Variants in PAXIP1 observed in about 807,000 individuals in gnomAD.
PAXIP1 encodes the protein PAX-interacting protein 1.
A neutral mutation model predicts 140.6 loss-of-function variants in PAXIP1; 19 were observed. The ratio of observed to expected loss-of-function variants is 0.14; its 90% confidence interval spans 0.09 to 0.20. PAXIP1 has a LOEUF of 0.20. Among genes scored for constraint, PAXIP1 ranks in the 10% least tolerant of loss-of-function variants. The pLI is 1.00. For missense variants in PAXIP1, 920 were observed against 1,208.6 expected, an observed-to-expected ratio of 0.76 and a Z score of 3.54; for synonymous variants, 442 against 444.6, an observed-to-expected ratio of 0.99 and a Z score of 0.07.
At position 154,954,682 on chromosome 7, in the gene PAXIP1, T is replaced by C. The variant is rs1808429189; in HGVS notation, c.2653-259A>G. 6.6e-6 allele frequency among the ~76,000 whole-genome samples: 1 copy of C among 152,178 alleles called. No individual in the cohort carries two copies. Among genetic ancestry groups the C allele is most frequent in the Admixed American group, 6.5e-5 (1 of 15,284 alleles). ...ACATGAATTCTCCATCAAACATCAATAACATATCTCCATGAATAAATTAAA... is the reference window on the plus strand; with the variant it reads ...ACATGAATTCTCCATCAAACATCAACAACATATCTCCATGAATAAATTAAA... On this transcript the variant is annotated intron_variant, in intron 15 of 20. Coordinates refer to ENST00000404141, the MANE Select transcript of PAXIP1 (RefSeq NM_007349.4). The surrounding 1 kb of genome is among the most constrained non-coding windows in gnomAD (Gnocchi z 5.1).
chr7:154,960,843 G>T, intron 12 of PAXIP1, 50 bp downstream of exon 12: 1 of 1,294,334 alleles, frequency 7.7e-7, no homozygotes, highest in Non-Finnish European at 1.1e-6. Flanking sequence ...TAGAAGTAAT[G>T]CTAATGATTT....
chr7:154,952,996 A>C (rs996439266), intron 16 of PAXIP1, among the ~76,000 whole-genome samples: 2 of 152,242 alleles, frequency 1.3e-5, no homozygotes, highest in African/African-American at 4.8e-5. Flanking sequence ...ATGAACTTTA[A>C]GATATATACA....
chr7:154,985,913 G>T, intron 4 of PAXIP1: 1 of 877,882 alleles, frequency 1.1e-6, no homozygotes, highest in Non-Finnish European at 1.6e-6. Context: ...AAGAAATACT[G>T]TTGATTGAGA....
rs137980666 is a variant in PAXIP1, at chr7:154,947,539, A to C, written c.2922+364T>G. On this transcript the variant is annotated intron_variant, in intron 17 of 20. Coordinates refer to ENST00000404141, the MANE Select transcript of PAXIP1 (RefSeq NM_007349.4). Reference sequence around the variant, plus strand: ...TCCAGCTGAATATACATTTACTGACAATAGTACGAAGTAAGCGATGTCCTC... The same window carrying C: ...TCCAGCTGAATATACATTTACTGACCATAGTACGAAGTAAGCGATGTCCTC... 1.0e-3 allele frequency: 202 copies of C among 202,590 alleles called. 2 individuals carry two copies. The East Asian group carries it at 0.011, about 11-fold the overall frequency. 12.5% of individuals were successfully genotyped at this position (202,590 alleles called of 1,614,324 possible). A position where few individuals can be genotyped will look rare whatever the true frequency, so the allele number is the denominator to read the frequency against.
At chr7:154,961,754 T>C (rs1190696062) in intron 10 of PAXIP1, 106 bp from the exon 11 acceptor site, 4 of 993,624 alleles carry the variant, frequency 4.0e-6, no homozygotes, top group Non-Finnish European at 5.8e-6. Context: ...CACTATTTCT[T>C]TGGCATTATG....
At chr7:154,998,530 T>C (rs1266901333) in intron 2 of PAXIP1, 120 bp downstream of exon 2, 4 of 552,478 alleles carry the variant, frequency 7.2e-6, no homozygotes, top group Non-Finnish European at 1.1e-5. Context: ...AAATAAAAAA[T>C]AAAAATAAAA....
chr7:154,997,039 G>A (rs1373878794), intron 2 of PAXIP1, among the ~76,000 whole-genome samples: 1 of 152,120 alleles, frequency 6.6e-6, no homozygotes, highest in Non-Finnish European at 1.5e-5. Flanking sequence ...GGAGAAGGAA[G>A]AGACAGAGAT....
At chr7:154,985,530 T>C (rs1810031156) in intron 4 of PAXIP1, among the ~76,000 whole-genome samples, 1 of 152,116 alleles carries the variant, frequency 6.6e-6, no homozygotes, top group African/African-American at 2.4e-5. Context: ...TCAGGTGGCA[T>C]TACCACTGTA....
chr7:154,976,032 T>C lies in PAXIP1; in HGVS notation c.738A>G (p.Glu246=), dbSNP rs750533544. The part of the protein sequence containing the change: ...PKSNTEKSKG[E]LMFDDSSDSS... ...AATCTGAAGAATCATCAAACATTAATTCCCCTTTAGATTTTTCAGTGTTGG... is the reference window on the plus strand; with the variant it reads ...AATCTGAAGAATCATCAAACATTAACTCCCCTTTAGATTTTTCAGTGTTGG... Residue 246 remains glutamate, a synonymous_variant, in exon 6 of 21, where the codon GAA becomes GAG. Coordinates refer to ENST00000404141, the MANE Select transcript of PAXIP1 (RefSeq NM_007349.4). 2 of 1,610,150 alleles carry C rather than the reference T, an allele frequency of 1.2e-6. No homozygotes were observed. The highest frequency in any genetic ancestry group is 1.7e-6 in the Non-Finnish European group (2 of 1,177,710).
Position 154,956,292 on chromosome 7 carries a change from C to T in PAXIP1, c.2550-661G>A, listed in dbSNP as rs1217094693. On this transcript the variant is annotated intron_variant, in intron 14 of 20. Transcript: ENST00000404141. This position sits in a 1 kb window ranked among gnomAD's most constrained non-coding sequence, Gnocchi z 4.2. ...TGTATTTGTGGTAATTTGATGACAG[C>T]CTCAAAAAAATCACATAATTAGGAT... 6.6e-6 allele frequency: 1 copy of T among 151,828 alleles called. No individual in the cohort carries two copies. The highest frequency in any genetic ancestry group is 1.5e-5 in the Non-Finnish European group (1 of 67,996). The allele number at this position is 151,828 out of a possible 1,614,324, so 9.4% of individuals were successfully genotyped here. A position where few individuals can be genotyped will look rare whatever the true frequency, so the allele number is the denominator to read the frequency against.
Position 154,962,358 on chromosome 7 carries a change from A to G in PAXIP1, c.2090T>C (p.Val697Ala). 1.2e-6 allele frequency: 2 copies of G among 1,613,876 alleles called. No individual in the cohort carries two copies. The highest frequency in any genetic ancestry group is 1.7e-6 in the Non-Finnish European group (2 of 1,179,840). Residue 697 changes from valine (V) to alanine (A), a missense_variant, in exon 10 of 21, where the codon GTG becomes GCG. Physicochemically the swap from Val to Ala is moderately conservative, Grantham distance 64 (BLOSUM62 0). Around this residue, in one of 5 missense-constraint regions of PAXIP1, gnomAD observed 303 missense variants for 517.9 expected, o/e 0.59. Transcript: ENST00000404141. ...VPPHRALHFPVAFPPGGKPCS... is the reference protein window; with the variant it reads ...VPPHRALHFPAAFPPGGKPCS... ...TGGCTTTCCTCCTGGTGGGAAGGCCACTGGGAAGTGAAGGGCTCGGTGCGG... is the reference window on the plus strand; with the variant it reads ...TGGCTTTCCTCCTGGTGGGAAGGCCGCTGGGAAGTGAAGGGCTCGGTGCGG...
intron 2 of PAXIP1, 113 bp from the exon 3 acceptor site, chr7:154,993,882 T>C: frequency 1.4e-6 from 1 of 723,510 alleles, no homozygotes; most frequent in Non-Finnish European, 2.3e-6. Flanking sequence ...TTTTAAAACA[T>C]CCAGATTACA....
rs1468020645 is a variant in PAXIP1, at chr7:154,976,254, C to T, written c.516G>A (p.Glu172=). ...AAAATGCTTCGTCCTTTTTGGTTTT[C>T]TCTGATACGCAATCCAGAACCCAGT... ...TPDWVLDCVS[E]KTKKDEAFYH... is the part of the protein sequence containing the mutation. The change falls in exon 6 of 21, where the codon GAG becomes GAA. Residue 172 remains glutamate (E), a synonymous_variant. Coordinates refer to ENST00000404141, the MANE Select transcript of PAXIP1 (RefSeq NM_007349.4). 17 of 1,613,752 alleles carry T rather than the reference C, an allele frequency of 1.1e-5. No homozygotes were observed. The highest frequency in any genetic ancestry group is 1.4e-5 in the Non-Finnish European group (17 of 1,179,892).
At chr7:154,988,979 CTTTT>C (rs888993935) in intron 4 of PAXIP1, among the ~76,000 whole-genome samples, 4 of 152,136 alleles carry the variant, frequency 2.6e-5, no homozygotes, top group Non-Finnish European at 5.9e-5. Flanking sequence ...CCCAGCATTT[CTTTT>C]CTCATTTTAG....
At chr7:154,994,122 T>C (rs1049510555) in intron 2 of PAXIP1, among the ~76,000 whole-genome samples, 1 of 152,120 alleles carries the variant, frequency 6.6e-6, no homozygotes, top group Non-Finnish European at 1.5e-5. Flanking sequence ...ATAGTCAGCC[T>C]CTCATACGCT....
intron 2 of PAXIP1, among the ~76,000 whole-genome samples, chr7:154,997,544 T>C (rs1181931823): frequency 6.6e-6 from 1 of 152,236 alleles, no homozygotes; most frequent in African/African-American, 2.4e-5. Context: ...AGAACTATTT[T>C]AAAACAAATA....
chr7:154,961,717 C>T, intron 10 of PAXIP1, 69 bp from the exon 11 acceptor site: 3 of 1,306,834 alleles, frequency 2.3e-6, no homozygotes, highest in Non-Finnish European at 3.1e-6. Flanking sequence ...ACTATTTCTT[C>T]TACTTCTTAG....
At chr7:154,993,423 T>A (rs1810438148) in intron 3 of PAXIP1, among the ~76,000 whole-genome samples, 1 of 152,214 alleles carries the variant, frequency 6.6e-6, no homozygotes, top group African/African-American at 2.4e-5. Context: ...CACATAGACT[T>A]AGAATTTTAG....
chr7:154,984,983 C>A (rs985495402), intron 4 of PAXIP1, among the ~76,000 whole-genome samples: 1 of 152,144 alleles, frequency 6.6e-6, no homozygotes, highest in African/African-American at 2.4e-5. Context: ...TGGAGGAGAC[C>A]TGGCATTAAT....
Sources: gnomAD v4.1 joint callset for allele counts (sites outside exome capture counted in the v4.1 genomes callset) on GRCh38, gnomAD v4.1.1 for gene constraint, gnomAD v4.1.1 regional missense constraint, Gnocchi (gnomAD v3.1) non-coding constraint, MANE v1.5 for transcripts, NCBI Gene and HGNC (gene_info 2026-07-23, HGNC 2026-07-21) for gene names.